The following ELFN1 variants were observed in gnomAD, a reference collection of about 807,000 sequenced individuals.
ELFN1 encodes the protein extracellular leucine rich repeat and fibronectin type III domain containing 1, also known as protein ELFN1.
Under a neutral mutation model 7.6 loss-of-function variants are expected in ELFN1, and 6 were observed. That is an observed-to-expected ratio of 0.79 (90% CI 0.43 to 1.56). The LOEUF is 1.56. ELFN1 is among the 40% of genes most tolerant of loss of function. The pLI is 0.01. For synonymous variants in ELFN1, 657 were observed against 588.1 expected, an observed-to-expected ratio of 1.12 and a Z score of -1.70; for missense variants, 1,169 against 1,232.2, an observed-to-expected ratio of 0.95 and a Z score of 0.77.
chr7:1,681,021 C>A (rs766251060), intron 1 of ELFN1, among the ~76,000 whole-genome samples: 1 of 152,170 alleles, frequency 6.6e-6, no homozygotes, highest in Admixed American at 6.5e-5. Flanking sequence ...GGATTACAGG[C>A]GTGAGCCACT....
upstream of ELFN1, among the ~76,000 whole-genome samples, chr7:1,667,405 G>A (rs538013990): frequency 6.6e-6 from 1 of 152,262 alleles, no homozygotes; most frequent in Admixed American, 6.5e-5. This position sits in a 1 kb window ranked among gnomAD's most constrained non-coding sequence, Gnocchi z 8.2. Flanking sequence ...GGTTGTGGAG[G>A]GCAGGGGGGA....
At chr7:1,696,269 A>C (rs935404548) in intron 2 of ELFN1, among the ~76,000 whole-genome samples, 2 of 150,812 alleles carry the variant, frequency 1.3e-5, no homozygotes, top group African/African-American at 2.5e-5. Flanking sequence ...AGAGGGAGAG[A>C]AAGAGATGGA....
chr7:1,704,587 G>A (rs1290430991), intron 2 of ELFN1, among the ~76,000 whole-genome samples: 1 of 152,078 alleles, frequency 6.6e-6, no homozygotes, highest in East Asian at 1.9e-4. Flanking sequence ...AGCAGTACTA[G>A]GTGGGGGTCA....
intron 3 of ELFN1, among the ~76,000 whole-genome samples, chr7:1,725,863 G>C (rs942979719): frequency 4.0e-5 from 6 of 151,844 alleles, no homozygotes; most frequent in Non-Finnish European, 5.9e-5. Context: ...ATAACACACA[G>C]TACACACTCG....
At chr7:1,702,811 T>G (rs561734639) in intron 2 of ELFN1, among the ~76,000 whole-genome samples, 1 of 151,420 alleles carries the variant, frequency 6.6e-6, no homozygotes, top group Non-Finnish European at 1.5e-5. Flanking sequence ...TTTTTGTTTC[T>G]TTTTCTTGCC....
At position 1,739,118 on chromosome 7, in the gene ELFN1, T is replaced by A. The variant is rs1780533466; in HGVS notation, c.-293-5186T>A. The stretch of plus-strand genomic sequence containing the variant: ...TGGAGATTGTGTCTGGAGGCCGGAT[T>A]CTCCTCCACGCGTGGAGGACTGGAC... On this transcript the variant is annotated intron_variant, in intron 3 of 3. Transcript: ENST00000424383. The surrounding 1 kb of genome is among the most constrained non-coding windows in gnomAD (Gnocchi z 4.6). 6.6e-6 allele frequency: 1 copy of A among 151,600 alleles called. No homozygotes were observed. Among genetic ancestry groups the A allele is most frequent in the African/African-American group, 2.4e-5 (1 of 41,208 alleles). The allele number at this position is 151,600 out of a possible 1,614,324, so 9.4% of individuals were successfully genotyped here. A position where few individuals can be genotyped will look rare whatever the true frequency, so the allele number is the denominator to read the frequency against.
rs561495592 is a variant in ELFN1 at position 1,691,155 on chromosome 7, G to C, written c.-456+3005G>C. Among the ~76,000 whole-genome samples the C allele has an allele frequency of 9.8e-5, 15 of 152,290 alleles. No homozygotes were observed. In the East Asian group the frequency reaches 2.5e-3, roughly 25 times the overall value. On this transcript the variant is annotated intron_variant, in intron 2 of 3. Coordinates refer to ENST00000424383, the MANE Select transcript of ELFN1 (RefSeq NM_001128636.4). ...AGCGACAGAGTTGGGACCCAAACTT[G>C]ACCGTGCCTAAGTCCAGATCCAGGC...
rs913581661 is a variant in ELFN1, at chr7:1,746,614, G to T, written c.2018G>T (p.Gly673Val). The change falls in exon 4 of 4, where the codon GGC (glycine) becomes GTC (valine). Residue 673 changes from glycine (G) to valine (V), a missense_variant. Gly to Val is a moderately radical substitution (Grantham distance 109). This residue lies in a region of ELFN1 where 914 missense variants were observed against 872.6 expected (regional missense o/e 1.05). Transcript: ENST00000424383. ...AAAEAKYIEK[G>V]SPAADAILTV... ...GCCGAGGCCAAGTACATCGAGAAGG[G>T]CTCCCCCGCGGCCGACGCCATCCTC... The T allele has an allele frequency of 2.2e-6, 3 of 1,349,118 alleles. No homozygotes were observed. The highest frequency in any genetic ancestry group is 3.3e-5 in the East Asian group (1 of 30,516). 83.6% of individuals were successfully genotyped at this position (1,349,118 alleles called of 1,614,324 possible).
At chr7:1,729,906 C>T (rs911004810) in intron 3 of ELFN1, among the ~76,000 whole-genome samples, 10 of 152,356 alleles carry the variant, frequency 6.6e-5, no homozygotes, top group East Asian at 1.9e-4. Context: ...TCTGTCAGCA[C>T]GGATGCCGAG....
At chr7:1,691,673 G>C (rs1336692506) in intron 2 of ELFN1, among the ~76,000 whole-genome samples, 1 of 152,220 alleles carries the variant, frequency 6.6e-6, no homozygotes, top group African/African-American at 2.4e-5. Flanking sequence ...CCACCGGGTA[G>C]GTCTCTGTTG....
At chr7:1,698,902 C>T (rs1038165268) in intron 2 of ELFN1, among the ~76,000 whole-genome samples, 3 of 152,184 alleles carry the variant, frequency 2.0e-5, no homozygotes, top group Non-Finnish European at 2.9e-5. Context: ...ACCAGCCCCC[C>T]GTGTCACCAG....
chr7:1,676,018 A>G (rs1407590003), intron 1 of ELFN1, among the ~76,000 whole-genome samples: 1 of 152,140 alleles, frequency 6.6e-6, no homozygotes, highest in Non-Finnish European at 1.5e-5. Flanking sequence ...CGCACTGGTC[A>G]GAGTGCTGAC....
chr7:1,693,671 G>A (rs768242535), intron 2 of ELFN1: 11 of 470,990 alleles, frequency 2.3e-5, no homozygotes, highest in African/African-American at 8.0e-5. Context: ...AGACACATGC[G>A]TGCATGCCCT....
intron 3 of ELFN1, among the ~76,000 whole-genome samples, chr7:1,727,960 G>A (rs1780240856): frequency 1.3e-5 from 2 of 152,250 alleles, no homozygotes; most frequent in Admixed American, 6.5e-5. Context: ...CAGGGAATGG[G>A]CCTTCTCTCC....
intron 1 of ELFN1, among the ~76,000 whole-genome samples, chr7:1,683,549 G>T (rs968748562): frequency 3.3e-5 from 5 of 152,110 alleles, no homozygotes; most frequent in African/African-American, 1.2e-4. Context: ...ATAAATGTCA[G>T]TTAGGTCAAG....
chr7:1,680,599 C>T (rs558407974), intron 1 of ELFN1, among the ~76,000 whole-genome samples: 1 of 152,294 alleles, frequency 6.6e-6, no homozygotes, highest in East Asian at 1.9e-4. Flanking sequence ...GGGCACCAGG[C>T]AGTGGTTTTC....
intron 3 of ELFN1, among the ~76,000 whole-genome samples, chr7:1,729,071 C>CG (rs1562381891): frequency 1.3e-5 from 2 of 152,206 alleles, no homozygotes; most frequent in African/African-American, 4.8e-5. Flanking sequence ...CCTCCTGCCC[C>CG]GCGGAGCTGC....
chr7:1,742,034 A>C (rs902348086), intron 3 of ELFN1, among the ~76,000 whole-genome samples: 1 of 152,172 alleles, frequency 6.6e-6, no homozygotes, highest in African/African-American at 2.4e-5. Flanking sequence ...GTGTGGGTGG[A>C]CACAGGTATA....
chr7:1,743,095 G>T (rs1780674824), intron 3 of ELFN1, among the ~76,000 whole-genome samples: 2 of 150,298 alleles, frequency 1.3e-5, no homozygotes, highest in South Asian at 2.1e-4. Context: ...TGGTGGGGGG[G>T]TCCATGGGGG....
Sources: allele counts gnomAD v4.1 joint callset (sites outside exome capture counted in the v4.1 genomes callset), GRCh38; gene constraint gnomAD v4.1.1; regional missense constraint gnomAD v4.1.1; non-coding constraint Gnocchi (gnomAD v3.1); transcripts MANE v1.5; gene names NCBI Gene and HGNC (gene_info 2026-07-23, HGNC 2026-07-21).